Variants in CA5A observed in about 807,000 individuals in gnomAD.
CA5A encodes carbonic anhydrase 5A, mitochondrial.
A neutral mutation model predicts 37.1 loss-of-function variants in CA5A; 28 were observed. That is an observed-to-expected ratio of 0.75 (90% CI 0.56 to 1.03). The LOEUF is 1.03. CA5A is among the 50% of genes least tolerant of loss of function. CA5A has a pLI of 0.00. For missense variants in CA5A, 444 were observed against 399.9 expected (o/e 1.11, Z -0.94); for synonymous variants, 171 against 158.4 (o/e 1.08, Z -0.60).
chr16:87,912,914 G>C (rs1439152120), intron 2 of CA5A, among the ~76,000 whole-genome samples: 1 of 152,234 alleles, frequency 6.6e-6, no homozygotes, highest in East Asian at 1.9e-4. Context: ...GCAGGAGATG[G>C]GATTACAGGG....
intron 2 of CA5A, among the ~76,000 whole-genome samples, chr16:87,905,728 A>G (rs2055951571): frequency 6.6e-6 from 1 of 152,208 alleles, no homozygotes; most frequent in African/African-American, 2.4e-5. Context: ...TCCCTGCTTA[A>G]TCTAGGCCCA....
At chr16:87,906,464 T>C (rs377558473) in intron 2 of CA5A, among the ~76,000 whole-genome samples, 1 of 151,836 alleles carries the variant, frequency 6.6e-6, no homozygotes, top group African/African-American at 2.4e-5. Flanking sequence ...CCATCTCTAC[T>C]GAAAATACAA....
At chr16:87,897,056 C>T (rs1198820055) in intron 5 of CA5A, among the ~76,000 whole-genome samples, 1 of 152,262 alleles carries the variant, frequency 6.6e-6, no homozygotes, top group Non-Finnish European at 1.5e-5. Flanking sequence ...AGGTGTACGA[C>T]AGGCAGTGTG....
At chr16:87,908,888 T>G (rs996708729) in intron 2 of CA5A, among the ~76,000 whole-genome samples, 5 of 152,014 alleles carry the variant, frequency 3.3e-5, no homozygotes, top group Non-Finnish European at 5.9e-5. Context: ...TGATCTCAGC[T>G]CACTGCAACC....
At chr16:87,888,005 T>A, downstream of CA5A, 2 of 1,422,480 alleles carry the variant, frequency 1.4e-6, no homozygotes, top group South Asian at 3.1e-5. Context: ...GTACTTCGAC[T>A]AAAACAATAA....
Position 87,888,217 on chromosome 16 carries a change from A to G in CA5A, c.830T>C (p.Met277Thr), listed in dbSNP as rs1429019962. 6.2e-7 allele frequency: 1 copy of G among 1,613,804 alleles called. No individual in the cohort carries two copies. The highest frequency in any genetic ancestry group is 2.2e-5 in the East Asian group (1 of 44,898). The change falls in exon 7 of 7, where the codon ATG becomes ACG. Residue 277 changes from methionine to threonine, a missense_variant. Met to Thr is a moderately conservative substitution (Grantham distance 81, BLOSUM62 -1). Transcript: ENST00000649794. Reference sequence around the variant, plus strand: ...TTGAAGTGGGCGATAGTTGTTCACCATCATCTTCTCCTCTTCACCAAGTGC... The same window carrying G: ...TTGAAGTGGGCGATAGTTGTTCACCGTCATCTTCTCCTCTTCACCAAGTGC... ...FSALGEEEKMMVNNYRPLQPL... is the reference protein window; with the variant it reads ...FSALGEEEKMTVNNYRPLQPL...
intron 1 of CA5A, among the ~76,000 whole-genome samples, chr16:87,931,268 C>T (rs1178104051): frequency 1.3e-4 from 20 of 151,818 alleles, no homozygotes; most frequent in Admixed American, 9.9e-4. Flanking sequence ...CCTACCACCA[C>T]GCCCGGCTAC....
chr16:87,909,572 C>T (rs1255840425), intron 2 of CA5A, among the ~76,000 whole-genome samples: 2 of 152,190 alleles, frequency 1.3e-5, no homozygotes, highest in Admixed American at 6.5e-5. Context: ...CAACGTAGCC[C>T]GCGCGGGGCG....
chr16:87,929,283 C>T (rs1018422803), intron 1 of CA5A, among the ~76,000 whole-genome samples: 1 of 150,678 alleles, frequency 6.6e-6, no homozygotes, highest in Non-Finnish European at 1.5e-5. Flanking sequence ...AAAACCCTGT[C>T]TCTACTAATA....
At chr16:87,925,529 T>A (rs2056293199) in intron 2 of CA5A, 1 of 152,242 alleles carries the variant, frequency 6.6e-6, no homozygotes, top group Non-Finnish European at 1.5e-5. Flanking sequence ...AATTCCAGAC[T>A]CGCAGCAGGA....
At chr16:87,905,589 T>C (rs8057747) in intron 2 of CA5A, among the ~76,000 whole-genome samples, 21,540 of 151,904 alleles carry the variant, frequency 0.14, 2,296 homozygotes, top group African/African-American at 0.3. Context: ...AAACTCCTGA[T>C]CTCAGGTGAT....
At chr16:87,892,751 G>T (rs1383679914) in intron 5 of CA5A, among the ~76,000 whole-genome samples, 1 of 143,090 alleles carries the variant, frequency 7.0e-6, no homozygotes, top group South Asian at 2.3e-4. Flanking sequence ...TTGGCTCACC[G>T]CAACCTCTGC....
chr16:87,908,982 C>G (rs576621324), intron 2 of CA5A, among the ~76,000 whole-genome samples: 1 of 139,132 alleles, frequency 7.2e-6, no homozygotes, highest in African/African-American at 2.9e-5. Flanking sequence ...CACCACCACA[C>G]CCGGCTATTT....
intron 2 of CA5A, chr16:87,925,400 CA>C (rs1192124008): frequency 2.6e-5 from 4 of 152,270 alleles, no homozygotes; most frequent in Non-Finnish European, 5.9e-5. Context: ...TCCCCTAAAC[CA>C]GCCGCAACAC....
At chr16:87,897,238 A>G (rs59573068) in intron 5 of CA5A, among the ~76,000 whole-genome samples, 3,117 of 152,372 alleles carry the variant, frequency 0.02, 114 homozygotes, top group African/African-American at 0.071. Context: ...ATTCCCCGGT[A>G]GCTCTGACTG....
At chr16:87,930,913 G>C (rs1235110712) in intron 1 of CA5A, among the ~76,000 whole-genome samples, 2 of 151,878 alleles carry the variant, frequency 1.3e-5, no homozygotes, top group Admixed American at 6.6e-5. Flanking sequence ...GGGAATTTTT[G>C]TATTTTTAGT....
intron 1 of CA5A, among the ~76,000 whole-genome samples, chr16:87,929,815 T>C (rs891355293): frequency 1.6e-5 from 2 of 125,212 alleles, no homozygotes; most frequent in African/African-American, 6.3e-5. Flanking sequence ...GAGCTTGCAG[T>C]GAGCCGAGAT....
intron 2 of CA5A, among the ~76,000 whole-genome samples, chr16:87,920,620 C>G (rs1473523693): frequency 6.7e-6 from 1 of 149,994 alleles, no homozygotes; most frequent in East Asian, 2.0e-4. Context: ...AATTTAGTCA[C>G]TTATTTTATT....
intron 1 of CA5A, among the ~76,000 whole-genome samples, chr16:87,934,193 C>T (rs1399058258): frequency 2.0e-5 from 3 of 152,266 alleles, no homozygotes; most frequent in Non-Finnish European, 4.4e-5. Flanking sequence ...GGACCCTTCT[C>T]CCAACGACAC....
Sources: allele counts gnomAD v4.1 joint callset (sites outside exome capture counted in the v4.1 genomes callset), GRCh38; gene constraint gnomAD v4.1.1; transcripts MANE v1.5; gene names NCBI Gene and HGNC (gene_info 2026-07-23, HGNC 2026-07-21).